The following WFDC8 variants were observed in gnomAD, a reference collection of about 807,000 sequenced individuals.
The protein encoded by WFDC8 is WAP four-disulfide core domain protein 8.
In WFDC8, 24 loss-of-function variants were observed where a neutral mutation model predicts 27.0. That is an observed-to-expected ratio of 0.89 (90% CI 0.64 to 1.25). The LOEUF is 1.25. Among genes scored for constraint, WFDC8 ranks in the 50% most tolerant of loss-of-function variants. The pLI, the probability that WFDC8 is intolerant of heterozygous loss-of-function variation, is 0.00. For missense variants in WFDC8, 287 were observed against 295.9 expected, an observed-to-expected ratio of 0.97 and a Z score of 0.22; for synonymous variants, 106 against 99.7, an observed-to-expected ratio of 1.06 and a Z score of -0.38.
At chr20:45,564,396 G>C (rs1457286683) in intron 1 of WFDC8, among the ~76,000 whole-genome samples, 1 of 152,194 alleles carries the variant, frequency 6.6e-6, no homozygotes, top group Admixed American at 6.5e-5. Context: ...CATGGGCTGG[G>C]TGCGGTGGCT....
intron 3 of WFDC8, among the ~76,000 whole-genome samples, chr20:45,558,357 T>C (rs1980343146): frequency 6.6e-6 from 1 of 152,248 alleles, no homozygotes; most frequent in East Asian, 1.9e-4. Flanking sequence ...AGGTGTATTC[T>C]GGTGGTCTTT....
chr20:45,569,454 T>C (rs576984149), intron 1 of WFDC8, among the ~76,000 whole-genome samples: 42 of 152,320 alleles, frequency 2.8e-4, no homozygotes, highest in African/African-American at 9.6e-4. Flanking sequence ...AAATAACAAA[T>C]GGATTTTAAA....
intron 1 of WFDC8, 30 bp downstream of exon 1, chr20:45,579,192 G>A: frequency 1.2e-6 from 2 of 1,611,748 alleles, no homozygotes; most frequent in Non-Finnish European, 1.7e-6. Context: ...TCCATGTCTG[G>A]CTACCCACCC....
chr20:45,559,175 G>A (rs1980378528), intron 2 of WFDC8, among the ~76,000 whole-genome samples, 183 bp from the exon 3 acceptor site: 1 of 152,194 alleles, frequency 6.6e-6, no homozygotes, highest in African/African-American at 2.4e-5. Context: ...AAATGGATCT[G>A]AATCAGGAAT....
In WFDC8 at chr20:45,555,781, G is replaced by A. The variant is rs759322087; in HGVS notation, c.365C>T (p.Pro122Leu). The part of the protein sequence containing the change: ...HFDFKNYRCT[P>L]FKYRGCEGNA... The stretch of plus-strand genomic sequence containing the variant: ...CCCTTCGCAGCCCCTGTATTTGAAG[G>A]GTGTGCAGCGGTAATTTTTAAAGTC... Residue 122 changes from proline (P) to leucine (L), a missense_variant, in exon 4 of 6, where the codon CCC becomes CTC. Pro to Leu is a moderately conservative substitution (Grantham distance 98, BLOSUM62 -3). Coordinates refer to ENST00000289953, the MANE Select transcript of WFDC8 (RefSeq NM_130896.3). 2 of 1,613,718 alleles carry A rather than the reference G, an allele frequency of 1.2e-6. No individual in the cohort carries two copies. Among genetic ancestry groups the A allele is most frequent in the Non-Finnish European group, 1.7e-6 (2 of 1,180,004 alleles).
rs528394610 is a variant in WFDC8, at chr20:45,552,221, C to A, written c.587-56G>T. On this transcript the variant is annotated intron_variant, in intron 5 of 5. Coordinates refer to ENST00000289953, the MANE Select transcript of WFDC8 (RefSeq NM_130896.3). ...TGAAATACTTGGTCATAATTTGAGA[C>A]AAATTTGAGGAATCTTGGGAATCTC... The A allele has an allele frequency of 2.3e-5, 36 of 1,595,870 alleles. No homozygotes were observed. In the African/African-American group the frequency reaches 3.5e-4, roughly 16 times the overall value.
chr20:45,554,835 C>A (rs1193746858), intron 4 of WFDC8, among the ~76,000 whole-genome samples: 1 of 152,202 alleles, frequency 6.6e-6, no homozygotes, highest in Non-Finnish European at 1.5e-5. Flanking sequence ...GGTCCTCAGG[C>A]AACTAACTTC....
At chr20:45,559,741 A>T (rs1980398527) in intron 2 of WFDC8, 2 of 152,138 alleles carry the variant, frequency 1.3e-5, no homozygotes, top group Admixed American at 1.3e-4. Context: ...TAAAAACTAG[A>T]AGAGGCAAGG....
chr20:45,566,013 T>C (rs1308500459), intron 1 of WFDC8, among the ~76,000 whole-genome samples: 1 of 152,216 alleles, frequency 6.6e-6, no homozygotes, highest in African/African-American at 2.4e-5. Flanking sequence ...AACTTTCCTA[T>C]ATTTTGAAAC....
chr20:45,562,459 A>T (rs1043904694), intron 1 of WFDC8, among the ~76,000 whole-genome samples: 14 of 152,342 alleles, frequency 9.2e-5, no homozygotes, highest in African/African-American at 3.1e-4. Flanking sequence ...ACCTTGTGCC[A>T]CACAGACACT....
At chr20:45,559,327 C>A (rs1366834161) in intron 2 of WFDC8, among the ~76,000 whole-genome samples, 2 of 152,086 alleles carry the variant, frequency 1.3e-5, no homozygotes, top group African/African-American at 4.8e-5. Context: ...CCTTTGTCTC[C>A]AGTTGATAAA....
chr20:45,555,796 T>A lies in WFDC8; in HGVS notation c.350A>T (p.Asn117Ile). Reference sequence around the variant, plus strand: ...GTATTTGAAGGGTGTGCAGCGGTAATTTTTAAAGTCAAAATGCCAGCGCTG... The same window carrying A: ...GTATTTGAAGGGTGTGCAGCGGTAAATTTTAAAGTCAAAATGCCAGCGCTG... ...EAQRWHFDFK[N>I]YRCTPFKYRG... Residue 117 changes from asparagine to isoleucine, a missense_variant, in exon 4 of 6, where the codon AAT (asparagine) becomes ATT (isoleucine). Asn to Ile is a moderately radical substitution (Grantham distance 149). Coordinates refer to ENST00000289953, the MANE Select transcript of WFDC8 (RefSeq NM_130896.3). 6.2e-7 allele frequency: 1 copy of A among 1,613,954 alleles called. No individual in the cohort carries two copies. The highest frequency in any genetic ancestry group is 8.5e-7 in the Non-Finnish European group (1 of 1,180,006).
chr20:45,569,284 C>G (rs6073783), intron 1 of WFDC8, among the ~76,000 whole-genome samples: 1 of 152,130 alleles, frequency 6.6e-6, no homozygotes, highest in African/African-American at 2.4e-5. Context: ...TGGCAACTTA[C>G]TAGAAGTTCA....
chr20:45,551,865 T>C lies in WFDC8; in HGVS notation c.*161A>G. ...AGTTGAAAAAAAGCCAAATATATCA[T>C]CACTTTCAGATGATGGGATTATATA... On this transcript the variant is annotated 3_prime_UTR_variant, in exon 6 of 6. Coordinates refer to ENST00000289953, the MANE Select transcript of WFDC8 (RefSeq NM_130896.3). 1 of 894,932 alleles carries C rather than the reference T, an allele frequency of 1.1e-6. No homozygotes were observed. The highest frequency in any genetic ancestry group is 2.1e-5 in the South Asian group (1 of 47,826). The allele number at this position is 894,932 out of a possible 1,614,324, so 55.4% of individuals were successfully genotyped here. A position where few individuals can be genotyped will look rare whatever the true frequency, so the allele number is the denominator to read the frequency against.
chr20:45,564,374 G>A (rs1980571835), intron 1 of WFDC8, among the ~76,000 whole-genome samples: 1 of 151,512 alleles, frequency 6.6e-6, no homozygotes, highest in African/African-American at 2.4e-5. Flanking sequence ...AGGAGTTCAA[G>A]ACCCACCTGG....
Position 45,559,002 on chromosome 20 carries a change from AG to A in WFDC8, c.137-11del. The A allele has an allele frequency of 1.2e-6, 2 of 1,613,752 alleles. No homozygotes were observed. The highest frequency in any genetic ancestry group is 1.7e-6 in the Non-Finnish European group (2 of 1,179,850). On this transcript the variant is annotated splice_polypyrimidine_tract_variant and intron_variant, in intron 2 of 5. Coordinates refer to ENST00000289953, the MANE Select transcript of WFDC8 (RefSeq NM_130896.3). Reference sequence around the variant, plus strand: ...CATAACCCTGGTTTGTCTGCAAGAAAGAAATGTCCAAACTCACATTCTTTCG... The same window carrying A: ...CATAACCCTGGTTTGTCTGCAAGAAAAAATGTCCAAACTCACATTCTTTCG...
chr20:45,571,135 A>G (rs1472005455), intron 1 of WFDC8, among the ~76,000 whole-genome samples: 1 of 152,096 alleles, frequency 6.6e-6, no homozygotes, highest in African/African-American at 2.4e-5. Context: ...CGTTAATTTT[A>G]AGTTTAATAT....
In WFDC8 at chr20:45,551,989, A is replaced by G; in HGVS notation, c.*37T>C. 1 of 1,609,576 alleles carries G rather than the reference A, an allele frequency of 6.2e-7. No individual in the cohort carries two copies. The highest frequency in any genetic ancestry group is 8.5e-7 in the Non-Finnish European group (1 of 1,177,402). On this transcript the variant is annotated 3_prime_UTR_variant, in exon 6 of 6. Transcript: ENST00000289953. The stretch of plus-strand genomic sequence containing the variant: ...ACAGCTCTTTATCATGCTACTCATA[A>G]TTAATGATTTTGATGATAATATTTT...
intron 1 of WFDC8, among the ~76,000 whole-genome samples, chr20:45,569,163 A>G (rs1467907662): frequency 6.6e-6 from 1 of 152,216 alleles, no homozygotes; most frequent in Non-Finnish European, 1.5e-5. Flanking sequence ...ACAGGGTGCT[A>G]AAGACCCAGG....
Sources: allele counts gnomAD v4.1 joint callset (sites outside exome capture counted in the v4.1 genomes callset), GRCh38; gene constraint gnomAD v4.1.1; transcripts MANE v1.5; gene names NCBI Gene and HGNC (gene_info 2026-07-23, HGNC 2026-07-21).